Variants in EPN1 observed in about 807,000 individuals in gnomAD.
EPN1 encodes epsin-1.
In EPN1, 25 loss-of-function variants were observed where a neutral mutation model predicts 56.9. That is an observed-to-expected ratio of 0.44 (90% CI 0.32 to 0.61). The LOEUF (loss-of-function observed/expected upper bound fraction) is 0.61. Among genes scored for constraint, EPN1 ranks in the 20% least tolerant of loss-of-function variants. The pLI is 0.05. For missense variants in EPN1, 785 were observed against 823.7 expected (o/e 0.95, Z 0.58); for synonymous variants, 411 against 361.8 (o/e 1.14, Z -1.54).
Position 55,694,716 on chromosome 19 carries a change from A to T in EPN1, c.1265-10A>T. On this transcript the variant is annotated splice_polypyrimidine_tract_variant and intron_variant, in intron 9 of 10. Transcript: ENST00000270460. This position sits in a 1 kb window ranked among gnomAD's most constrained non-coding sequence, Gnocchi z 4.2. The stretch of plus-strand genomic sequence containing the variant: ...TGCCCTGTCTGAGCCCCTCTCCCGG[A>T]TCCTTCCAGGAGAGCTGGAGCTGCT... 1 of 1,551,422 alleles carries T rather than the reference A, an allele frequency of 6.4e-7. No individual in the cohort carries two copies.
chr19:55,708,905 T>C lies in EPN1; in HGVS notation c.*13549T>C. On this transcript the variant is annotated 3_prime_UTR_variant, in exon 11 of 11. Coordinates refer to ENST00000270460, the MANE Select transcript of EPN1 (RefSeq NM_001130072.2). ...TTTGTGAGACGACTACTTCAGGGTG[T>C]TCCCCATCAGAGGAGCACACCCCTG... 1.3e-6 allele frequency: 2 copies of C among 1,532,938 alleles called. No homozygotes were observed. The highest frequency in any genetic ancestry group is 1.3e-5 in the South Asian group (1 of 77,962). 95.0% of individuals were successfully genotyped at this position (1,532,938 alleles called of 1,614,324 possible).
intron 7 of EPN1, 69 bp from the exon 8 acceptor site, chr19:55,692,617 C>T (rs751580887): frequency 7.6e-6 from 8 of 1,055,922 alleles, no homozygotes; most frequent in South Asian, 1.8e-5. Context: ...GATTTGGAGG[C>T]AATGGTCCTC....
chr19:55,684,426 C>G (rs935494270), intron 2 of EPN1, among the ~76,000 whole-genome samples: 1 of 152,162 alleles, frequency 6.6e-6, no homozygotes, highest in African/African-American at 2.4e-5. Context: ...GGACTTGAGC[C>G]TGAGCTAGGG....
intron 2 of EPN1, among the ~76,000 whole-genome samples, chr19:55,682,169 C>G (rs966094085): frequency 1.3e-5 from 2 of 152,206 alleles, no homozygotes; most frequent in African/African-American, 4.8e-5. Flanking sequence ...CTAAGCACAT[C>G]ATGAATGTAT....
At chr19:55,684,259 T>C (rs966222157) in intron 2 of EPN1, among the ~76,000 whole-genome samples, 1 of 152,152 alleles carries the variant, frequency 6.6e-6, no homozygotes, top group Admixed American at 6.5e-5. Context: ...AGCTTAGCTG[T>C]GATAGCTGAC....
chr19:55,687,152 A>G (rs1399284999), intron 3 of EPN1, among the ~76,000 whole-genome samples: 1 of 152,172 alleles, frequency 6.6e-6, no homozygotes, highest in Non-Finnish European at 1.5e-5. Flanking sequence ...ATTTTCGCCC[A>G]TCTTGGTGCA....
Position 55,703,000 on chromosome 19 carries a change from C to T in EPN1, c.*7644C>T, listed in dbSNP as rs8104201. The T allele has an allele frequency of 0.32, 48,757 of 151,964 alleles. 9,823 individuals carry two copies. The highest frequency in any genetic ancestry group is 0.57 in the African/African-American group (23,414 of 41,426). The allele number at this position is 151,964 out of a possible 1,614,324, so 9.4% of individuals were successfully genotyped here. A position where few individuals can be genotyped will look rare whatever the true frequency, so the allele number is the denominator to read the frequency against. ...ATTGTTAGTAGAGACGGGGTTTCAC[C>T]GTGTTAGCCAGGATGGTCTCAATCT... On this transcript the variant is annotated 3_prime_UTR_variant, in exon 11 of 11. Transcript: ENST00000270460.
Position 55,692,657 on chromosome 19 carries a change from GC to G in EPN1, c.1067-25del, listed in dbSNP as rs564177294. 1.7e-4 allele frequency: 243 copies of G among 1,433,798 alleles called. 1 individual carries two copies. In the African/African-American group the frequency reaches 2.6e-3, roughly 15 times the overall value. 88.8% of individuals were successfully genotyped at this position (1,433,798 alleles called of 1,614,324 possible). On this transcript the variant is annotated intron_variant, in intron 7 of 10. Coordinates refer to ENST00000270460, the MANE Select transcript of EPN1 (RefSeq NM_001130072.2). ...GCCATCTGGGCAGTCAAGGTTGCCA[GC>G]CCCTCATGCTCTTCTGTCCTCACCC...
intron 2 of EPN1, among the ~76,000 whole-genome samples, chr19:55,680,481 C>G (rs1568565445): frequency 6.6e-6 from 1 of 152,204 alleles, no homozygotes; most frequent in African/African-American, 2.4e-5. Context: ...CCCGCTCCAC[C>G]CTGAACCACT....
In EPN1 at chr19:55,709,246, A is replaced by T. The variant is rs186622239; in HGVS notation, c.*13890A>T. ...GATTTATACCATAAAGTGAAATTTC[A>T]TATACAGGATGTATCAATTAAGATT... On this transcript the variant is annotated 3_prime_UTR_variant, in exon 11 of 11. Transcript: ENST00000270460. 218 of 379,290 alleles carry T rather than the reference A, an allele frequency of 5.7e-4. No individual in the cohort carries two copies. Among genetic ancestry groups the T allele is most frequent in the African/African-American group, 4.1e-3 (197 of 47,770 alleles). 23.5% of individuals were successfully genotyped at this position (379,290 alleles called of 1,614,324 possible).
At chr19:55,690,898 C>A (rs950059037) in intron 6 of EPN1, among the ~76,000 whole-genome samples, 23 of 152,190 alleles carry the variant, frequency 1.5e-4, no homozygotes, top group Non-Finnish European at 3.2e-4. Flanking sequence ...CCACCACAGC[C>A]CAGTGACCCG....
At chr19:55,685,269 A>G (rs1208534346) in intron 2 of EPN1, 127 bp from the exon 3 acceptor site, 21 of 1,188,100 alleles carry the variant, frequency 1.8e-5, no homozygotes, top group Non-Finnish European at 2.4e-5. Context: ...ATGTGTGTCC[A>G]CCCACTGGCG....
chr19:55,704,059 A>G lies in EPN1; in HGVS notation c.*8703A>G, dbSNP rs562539638. On this transcript the variant is annotated 3_prime_UTR_variant, in exon 11 of 11. Coordinates refer to ENST00000270460, the MANE Select transcript of EPN1 (RefSeq NM_001130072.2). Reference sequence around the variant, plus strand: ...CTCCGTTTCCAGGCTTCTCGCCCACACGGAGACAGTCGCTCTCACACGTAC... The same window carrying G: ...CTCCGTTTCCAGGCTTCTCGCCCACGCGGAGACAGTCGCTCTCACACGTAC... 2.6e-5 allele frequency: 4 copies of G among 152,142 alleles called. No individual in the cohort carries two copies. The highest frequency in any genetic ancestry group is 5.9e-5 in the Non-Finnish European group (4 of 68,062). The allele number at this position is 152,142 out of a possible 1,614,324, so 9.4% of individuals were successfully genotyped here.
intron 1 of EPN1, chr19:55,676,952 A>C: frequency 1.8e-6 from 1 of 564,678 alleles, no homozygotes; most frequent in East Asian, 3.0e-5. Context: ...CCTTCTCTGC[A>C]TTTGTTACAT....
At chr19:55,684,157 C>T (rs1476193528) in intron 2 of EPN1, among the ~76,000 whole-genome samples, 1 of 152,212 alleles carries the variant, frequency 6.6e-6, no homozygotes, top group Non-Finnish European at 1.5e-5. Flanking sequence ...TTTGAAAGGC[C>T]TTGCCAGAGC....
Position 55,704,633 on chromosome 19 carries a change from A to G in EPN1, c.*9277A>G, listed in dbSNP as rs1399403771. 6 of 152,204 alleles carry G rather than the reference A, an allele frequency of 3.9e-5. No homozygotes were observed. The highest frequency in any genetic ancestry group is 6.5e-5 in the Admixed American group (1 of 15,274). 9.4% of individuals were successfully genotyped at this position (152,204 alleles called of 1,614,324 possible). On this transcript the variant is annotated 3_prime_UTR_variant, in exon 11 of 11. Transcript: ENST00000270460. Reference sequence around the variant, plus strand: ...CCCTAACATGAATGCAGCCATCCACACTGTCTGGGGGAAGGCACACACACC... The same window carrying G: ...CCCTAACATGAATGCAGCCATCCACGCTGTCTGGGGGAAGGCACACACACC...
In EPN1 at chr19:55,694,946, G is replaced by C. The variant is rs748385771; in HGVS notation, c.1485G>C (p.Pro495=). ...TGGTGAGCCGGCCGGGCCCCACGCC[G>C]CCTGGAGCCAAGGCCTCCAACCCCT... ...DSLVSRPGPT[P]PGAKASNPFL... The change falls in exon 10 of 11, where the codon CCG becomes CCC. Residue 495 remains proline, a synonymous_variant. Transcript: ENST00000270460. This position sits in a 1 kb window ranked among gnomAD's most constrained non-coding sequence, Gnocchi z 4.2. 3.8e-6 allele frequency: 6 copies of C among 1,558,798 alleles called. No homozygotes were observed. The African/African-American group carries it at 4.1e-5, about 11-fold the overall frequency.
At position 55,701,067 on chromosome 19, in the gene EPN1, G is replaced by C. The variant is rs1343276258; in HGVS notation, c.*5711G>C. On this transcript the variant is annotated 3_prime_UTR_variant, in exon 11 of 11. Transcript: ENST00000270460. Reference sequence around the variant, plus strand: ...TTGCAGTGGGAGGGCTGGCGCGGGGGCCCTGAGGGCTCCCTGGTTCCCATC... The same window carrying C: ...TTGCAGTGGGAGGGCTGGCGCGGGGCCCCTGAGGGCTCCCTGGTTCCCATC... 1 of 152,238 alleles carries C rather than the reference G, an allele frequency of 6.6e-6. No individual in the cohort carries two copies. Among genetic ancestry groups the C allele is most frequent in the Non-Finnish European group, 1.5e-5 (1 of 68,074 alleles). 9.4% of individuals were successfully genotyped at this position (152,238 alleles called of 1,614,324 possible).
At position 55,689,246 on chromosome 19, in the gene EPN1, A is replaced by G. The variant is rs1466953125; in HGVS notation, c.604-51A>G. ...CTATCTGACCCTGGCTCTGCCTCTGACTCTGCCTCTGGCCCCTCCCGTCAT... is the reference window on the plus strand; with the variant it reads ...CTATCTGACCCTGGCTCTGCCTCTGGCTCTGCCTCTGGCCCCTCCCGTCAT... On this transcript the variant is annotated intron_variant, in intron 4 of 10. Coordinates refer to ENST00000270460, the MANE Select transcript of EPN1 (RefSeq NM_001130072.2). This position sits in a 1 kb window ranked among gnomAD's most constrained non-coding sequence, Gnocchi z 5.7. 16 of 1,360,262 alleles carry G rather than the reference A, an allele frequency of 1.2e-5. No individual in the cohort carries two copies. Among genetic ancestry groups the G allele is most frequent in the Admixed American group, 2.0e-5 (1 of 50,142 alleles). The allele number at this position is 1,360,262 out of a possible 1,614,324, so 84.3% of individuals were successfully genotyped here.
Sources: gnomAD v4.1 joint callset for allele counts (sites outside exome capture counted in the v4.1 genomes callset) on GRCh38, gnomAD v4.1.1 for gene constraint, Gnocchi (gnomAD v3.1) non-coding constraint, MANE v1.5 for transcripts, NCBI Gene and HGNC (gene_info 2026-07-23, HGNC 2026-07-21) for gene names.